APOLD1: variants seen among roughly 807,000 people sequenced by gnomAD.
APOLD1 encodes apolipoprotein L domain containing 1.
In APOLD1, 22 loss-of-function variants were observed where a neutral mutation model predicts 15.3. That is an observed-to-expected ratio of 1.44 (90% CI 1.03 to 2.05). APOLD1 has a LOEUF of 2.05. Ranked by LOEUF, APOLD1 falls within the 30% of genes most tolerant of loss-of-function variation. The pLI is 0.00. For missense variants in APOLD1, 394 were observed against 353.5 expected (o/e 1.11, Z -0.92); for synonymous variants, 190 against 167.4 (o/e 1.13, Z -1.04).
At chr12:12,747,368 T>C (rs6488551) in intron 1 of APOLD1, among the ~76,000 whole-genome samples, 40,630 of 152,172 alleles carry the variant, frequency 0.27, 6,080 homozygotes, top group African/African-American at 0.41. Flanking sequence ...TTTCTCTGCC[T>C]TTTCCTAACT....
At chr12:12,746,376 A>G (rs1312190864) in intron 1 of APOLD1, among the ~76,000 whole-genome samples, 1 of 152,128 alleles carries the variant, frequency 6.6e-6, no homozygotes, top group Non-Finnish European at 1.5e-5. Context: ...GATGCCTGTA[A>G]TCCCAGCTAC....
intron 1 of APOLD1, among the ~76,000 whole-genome samples, chr12:12,741,207 C>A (rs1034839807): frequency 3.3e-5 from 5 of 152,022 alleles, no homozygotes; most frequent in African/African-American, 1.2e-4. Flanking sequence ...ACTTTTTTTA[C>A]GAACTTGAAA....
intron 1 of APOLD1, among the ~76,000 whole-genome samples, chr12:12,745,744 G>A (rs1273453369): frequency 6.6e-6 from 1 of 152,112 alleles, no homozygotes; most frequent in Non-Finnish European, 1.5e-5. Flanking sequence ...AGGGCAGGAT[G>A]ACTCAGAATA....
intron 1 of APOLD1, among the ~76,000 whole-genome samples, chr12:12,769,785 G>A (rs1386901011): frequency 6.6e-6 from 1 of 152,178 alleles, no homozygotes; most frequent in Admixed American, 6.5e-5. Flanking sequence ...CCTAAGGAGA[G>A]GGGGAGACTG....
intron 1 of APOLD1, among the ~76,000 whole-genome samples, chr12:12,734,356 A>G (rs1639938571): frequency 6.6e-6 from 1 of 152,230 alleles, no homozygotes; most frequent in Non-Finnish European, 1.5e-5. Context: ...GTGCTGGGAA[A>G]ATAGTTTTAC....
chr12:12,747,732 C>A (rs763143525), intron 1 of APOLD1, among the ~76,000 whole-genome samples: 1 of 152,146 alleles, frequency 6.6e-6, no homozygotes, highest in African/African-American at 2.4e-5. Context: ...TTGGGCCCTT[C>A]TTGCAACATT....
At chr12:12,774,650 C>T (rs1177149163) in intron 1 of APOLD1, among the ~76,000 whole-genome samples, 1 of 145,190 alleles carries the variant, frequency 6.9e-6, no homozygotes, top group Non-Finnish European at 1.5e-5. Flanking sequence ...ATGACCTTAA[C>T]AGGCACCTCA....
chr12:12,730,026 TTGTGTGTGTGTGTGTGTGTGTGTG>T (rs749843349), intron 1 of APOLD1, among the ~76,000 whole-genome samples: 3 of 117,810 alleles, frequency 2.5e-5, no homozygotes, highest in Non-Finnish European at 3.4e-5. Context: ...CCAGCTAACT[TTGTGTGTGTGTGTGTGTGTGTGTG>T]TGTGTGTGTG....
chr12:12,783,250 C>G (rs750265559), upstream of APOLD1, among the ~76,000 whole-genome samples: 1 of 152,074 alleles, frequency 6.6e-6, no homozygotes, highest in African/African-American at 2.4e-5. Context: ...TGAATTGAAT[C>G]GCTAAGTTCA....
At chr12:12,754,357 C>T (rs1181975439) in intron 1 of APOLD1, among the ~76,000 whole-genome samples, 1 of 152,030 alleles carries the variant, frequency 6.6e-6, no homozygotes, top group African/African-American at 2.4e-5. Context: ...GCCACCACAC[C>T]TGGCCAACAA....
chr12:12,733,644 C>G (rs148526401), intron 1 of APOLD1, among the ~76,000 whole-genome samples: 1,538 of 152,216 alleles, frequency 0.01, 24 homozygotes, highest in African/African-American at 0.035. Context: ...GCTCTGTTGC[C>G]GAGGCTAGAG....
intron 1 of APOLD1, among the ~76,000 whole-genome samples, chr12:12,740,874 C>T (rs147960763): frequency 0.014 from 2,193 of 152,234 alleles, 23 homozygotes; most frequent in Non-Finnish European, 0.021. Flanking sequence ...CGGTGGCTCA[C>T]GCCTGTAATC....
intron 1 of APOLD1, among the ~76,000 whole-genome samples, chr12:12,757,528 TG>T (rs1207418679): frequency 6.6e-6 from 1 of 152,178 alleles, no homozygotes; most frequent in African/African-American, 2.4e-5. Context: ...GATAAATTAT[TG>T]TAAAGAGAAC....
chr12:12,735,544 A>T (rs1386254963), intron 1 of APOLD1, among the ~76,000 whole-genome samples: 1 of 152,050 alleles, frequency 6.6e-6, no homozygotes, highest in African/African-American at 2.4e-5. Context: ...TGGCAGAAGG[A>T]ATGAGTGCTG....
intron 1 of APOLD1, among the ~76,000 whole-genome samples, chr12:12,730,698 A>AG (rs1565424549): frequency 8.3e-6 from 1 of 120,772 alleles, no homozygotes; most frequent in Non-Finnish European, 1.6e-5. Flanking sequence ...AAAAAAAAAA[A>AG]GAAAGAAAGA....
Position 12,787,197 on chromosome 12 carries a change from G to T in APOLD1, c.292G>T (p.Gly98Ter), listed in dbSNP as rs372602960. The change falls in exon 2 of 2, where the codon GGA (glycine) becomes TGA (stop). Residue 98 changes from glycine (G) to a stop codon, truncating the protein, a stop_gained. Transcript: ENST00000356591. LOFTEE classifies it high-confidence loss of function. The surrounding 1 kb of genome is among the most constrained non-coding windows in gnomAD (Gnocchi z 4.9). ...SAVGLGVATAGGAVTITSDLS... is the reference protein window; with the variant it reads ...SAVGLGVATA ...CGTGGGGCTGGGGGTGGCCACAGCC[G>T]GAGGGGCCGTCACCATCACGTCCGA... is the stretch of plus-strand genomic sequence containing the variant. The T allele has an allele frequency of 1.3e-6, 2 of 1,547,162 alleles. No individual in the cohort carries two copies. The highest frequency in any genetic ancestry group is 2.7e-5 in the African/African-American group (2 of 73,584).
intron 1 of APOLD1, among the ~76,000 whole-genome samples, chr12:12,756,623 T>TA (rs1417061274): frequency 3.3e-5 from 5 of 152,208 alleles, no homozygotes; most frequent in Admixed American, 3.3e-4. Context: ...CTAGAACTTT[T>TA]AAAAAATCCC....
chr12:12,757,964 A>G (rs1946868523), intron 1 of APOLD1, among the ~76,000 whole-genome samples: 2 of 141,228 alleles, frequency 1.4e-5, no homozygotes, highest in African/African-American at 2.7e-5. Context: ...TTTTTGAGAC[A>G]GAGTCTTGCT....
intron 1 of APOLD1, among the ~76,000 whole-genome samples, chr12:12,767,829 G>A (rs910658886): frequency 6.6e-6 from 1 of 151,614 alleles, no homozygotes; most frequent in African/African-American, 2.4e-5. Context: ...TCTGTCACTC[G>A]GGCTGGAGTG....
Sources: allele counts gnomAD v4.1 joint callset (sites outside exome capture counted in the v4.1 genomes callset), GRCh38; gene constraint gnomAD v4.1.1; non-coding constraint Gnocchi (gnomAD v3.1); transcripts MANE v1.5; gene names NCBI Gene and HGNC (gene_info 2026-07-23, HGNC 2026-07-21).